Variants in ROBO2 observed in about 807,000 individuals in gnomAD.
ROBO2 encodes the protein roundabout homolog 2.
ROBO2 carries 53 observed loss-of-function variants against 160.8 expected under a neutral mutation model. The ratio of observed to expected loss-of-function variants is 0.33; its 90% confidence interval spans 0.26 to 0.41. The LOEUF (loss-of-function observed/expected upper bound fraction) is 0.41, where lower values mean the gene tolerates loss of function less well. ROBO2 is among the 10% of genes least tolerant of loss of function. The pLI, the probability that ROBO2 is intolerant of heterozygous loss-of-function variation, is 1.00. For missense variants in ROBO2, 1,577 were observed against 1,722.4 expected (o/e 0.92, Z 1.49); for synonymous variants, 664 against 611.7 (o/e 1.09, Z -1.26).
At chr3:76,471,906 CCAT>C (rs2078675178) in intron 2 of ROBO2, among the ~76,000 whole-genome samples, 1 of 152,076 alleles carries the variant, frequency 6.6e-6, no homozygotes, top group Non-Finnish European at 1.5e-5. Flanking sequence ...TCATTCACTA[CCAT>C]GAGAAAAGCA....
intron 2 of ROBO2, among the ~76,000 whole-genome samples, chr3:76,712,481 C>A (rs1469011301): frequency 6.6e-6 from 1 of 152,010 alleles, no homozygotes; most frequent in Non-Finnish European, 1.5e-5. Flanking sequence ...TCAAAACCAG[C>A]CCGGCCAACA....
chr3:75,992,444 C>A (rs1440944091), intron 2 of ROBO2, among the ~76,000 whole-genome samples: 1 of 152,124 alleles, frequency 6.6e-6, no homozygotes, highest in Non-Finnish European at 1.5e-5. Context: ...CCTGCGGGTG[C>A]ACAAAAGTCA....
At chr3:76,536,619 G>A (rs930006016) in intron 2 of ROBO2, among the ~76,000 whole-genome samples, 6 of 152,032 alleles carry the variant, frequency 3.9e-5, no homozygotes, top group African/African-American at 1.2e-4. Context: ...TATTCCCATC[G>A]GGGATCCTCT....
chr3:76,716,878 C>T (rs916108116), intron 2 of ROBO2, among the ~76,000 whole-genome samples: 1 of 152,186 alleles, frequency 6.6e-6, no homozygotes, highest in Non-Finnish European at 1.5e-5. Context: ...GAAGAACTAA[C>T]ATCCTCCTGT....
chr3:75,989,962 C>T (rs371890389), intron 2 of ROBO2, among the ~76,000 whole-genome samples: 31 of 151,994 alleles, frequency 2.0e-4, no homozygotes, highest in African/African-American at 7.5e-4. Context: ...TGTTTTTTTT[C>T]CTTCAAATTA....
intron 2 of ROBO2, among the ~76,000 whole-genome samples, chr3:77,448,354 T>A (rs1286737481): frequency 6.6e-6 from 1 of 152,062 alleles, no homozygotes; most frequent in Non-Finnish European, 1.5e-5. Context: ...CCTACAAATG[T>A]AAACAAGGCC....
intron 1 of ROBO2, among the ~76,000 whole-genome samples, chr3:75,918,794 G>T (rs1174399241): frequency 6.6e-6 from 1 of 152,022 alleles, no homozygotes; most frequent in African/African-American, 2.4e-5. Flanking sequence ...CTTTATAGCA[G>T]TTGTGAATGG....
chr3:77,604,510 A>G (rs2094489920), intron 20 of ROBO2, among the ~76,000 whole-genome samples: 1 of 152,164 alleles, frequency 6.6e-6, no homozygotes. Context: ...AACACAATTC[A>G]CAATAGTACT....
intron 2 of ROBO2, among the ~76,000 whole-genome samples, chr3:76,141,151 CTCTCTCTCTATATATATATA>C (rs1404234701): frequency 1.6e-3 from 71 of 44,276 alleles, no homozygotes; most frequent in Non-Finnish European, 1.9e-3. Context: ...CTCTCTCTCT[CTCTCTCTCTATATATATATA>C]TATATATATA....
At chr3:77,390,546 G>T (rs1019188448) in intron 2 of ROBO2, among the ~76,000 whole-genome samples, 4 of 152,044 alleles carry the variant, frequency 2.6e-5, no homozygotes, top group African/African-American at 9.7e-5. Flanking sequence ...GGTATCCCTT[G>T]CTCTTCTGCC....
At chr3:76,390,214 G>A (rs1237248229) in intron 2 of ROBO2, among the ~76,000 whole-genome samples, 1 of 151,920 alleles carries the variant, frequency 6.6e-6, no homozygotes, top group Non-Finnish European at 1.5e-5. Context: ...GTTGGTTTAG[G>A]AACATTTGAA....
chr3:76,225,708 T>A (rs1292191655), intron 2 of ROBO2, among the ~76,000 whole-genome samples: 1 of 152,110 alleles, frequency 6.6e-6, no homozygotes, highest in Non-Finnish European at 1.5e-5. Flanking sequence ...AGGGATTCCT[T>A]GTCTCCAAAA....
At chr3:77,277,765 A>G (rs768934414) in intron 2 of ROBO2, among the ~76,000 whole-genome samples, 12 of 152,148 alleles carry the variant, frequency 7.9e-5, no homozygotes, top group Non-Finnish European at 1.6e-4. Flanking sequence ...ATGAGCATAC[A>G]TGTACATATA....
At position 77,599,876 on chromosome 3, in the gene ROBO2, C is replaced by A. The variant is rs74692685; in HGVS notation, c.2855-2334C>A. 8.3e-3 allele frequency among the ~76,000 whole-genome samples: 1,261 copies of A among 152,182 alleles called. 22 individuals carry two copies. Among genetic ancestry groups the A allele is most frequent in the African/African-American group, 0.029 (1,211 of 41,514 alleles). ...AACTATGAAAATGCAGACATAAATC[C>A]CATATGCTCCTGTCTTCAAATGACT... On this transcript the variant is annotated intron_variant, in intron 19 of 25. Transcript: ENST00000461745.
intron 2 of ROBO2, among the ~76,000 whole-genome samples, chr3:77,216,401 C>T (rs540197251): frequency 1.4e-4 from 22 of 152,256 alleles, no homozygotes; most frequent in South Asian, 6.2e-4. Flanking sequence ...TCTCCTGGTG[C>T]GCCGTTTACT....
intron 2 of ROBO2, among the ~76,000 whole-genome samples, chr3:77,421,627 G>A (rs566092051): frequency 3.9e-5 from 6 of 152,172 alleles, no homozygotes; most frequent in East Asian, 1.9e-4. Flanking sequence ...TTTAGTCATC[G>A]AAAGCATTGA....
intron 2 of ROBO2, among the ~76,000 whole-genome samples, chr3:76,952,177 A>G (rs1481938432): frequency 6.6e-6 from 1 of 152,196 alleles, no homozygotes; most frequent in Non-Finnish European, 1.5e-5. Flanking sequence ...GTCTGCTAAT[A>G]TTTTTTAAAT....
chr3:77,529,629 T>C (rs2091473557), intron 6 of ROBO2, among the ~76,000 whole-genome samples: 2 of 151,840 alleles, frequency 1.3e-5, no homozygotes, highest in Admixed American at 6.6e-5. Context: ...CACAGAGTAT[T>C]GAGATGTATC....
At chr3:76,671,880 AT>A (rs1300877442) in intron 2 of ROBO2, among the ~76,000 whole-genome samples, 1 of 152,034 alleles carries the variant, frequency 6.6e-6, no homozygotes, top group Non-Finnish European at 1.5e-5. Context: ...AGAAGCCTTA[AT>A]TTAAGAACAC....
Sources: allele counts gnomAD v4.1 joint callset (sites outside exome capture counted in the v4.1 genomes callset), GRCh38; gene constraint gnomAD v4.1.1; transcripts MANE v1.5; gene names NCBI Gene and HGNC (gene_info 2026-07-23, HGNC 2026-07-21).